The following GGACT variants were observed in gnomAD, a reference collection of about 807,000 sequenced individuals.
The protein encoded by GGACT is gamma-glutamylamine cyclotransferase, also known as gamma-glutamylaminecyclotransferase.
For missense variants in GGACT, 241 were observed against 233.2 expected (o/e 1.03, Z -0.22); for synonymous variants, 118 against 115.3 (o/e 1.02, Z -0.15).
At chr13:100,532,969 C>G (rs2088437394) in intron 2 of GGACT, among the ~76,000 whole-genome samples, 1 of 152,206 alleles carries the variant, frequency 6.6e-6, no homozygotes, top group African/African-American at 2.4e-5. Context: ...AGACAGGACA[C>G]CTGCGTTCTG....
chr13:100,541,364 T>C (rs2088553014), intron 2 of GGACT, among the ~76,000 whole-genome samples: 1 of 152,198 alleles, frequency 6.6e-6, no homozygotes, highest in African/African-American at 2.4e-5. Context: ...TGTGGGACTT[T>C]GGGCAAGTGA....
intron 2 of GGACT, among the ~76,000 whole-genome samples, chr13:100,556,089 C>T (rs1097594): frequency 0.012 from 1,767 of 152,292 alleles, 32 homozygotes; most frequent in African/African-American, 0.04. Context: ...AAGGCAAGGA[C>T]GTCCACTCTT....
chr13:100,546,238 T>G (rs1045883647), intron 2 of GGACT, among the ~76,000 whole-genome samples: 1 of 151,588 alleles, frequency 6.6e-6, no homozygotes, highest in African/African-American at 2.4e-5. Context: ...GGCGGGCGCC[T>G]ATAGTCCCAG....
intron 2 of GGACT, among the ~76,000 whole-genome samples, chr13:100,547,733 C>G (rs913901681): frequency 6.6e-6 from 1 of 152,198 alleles, no homozygotes; most frequent in Non-Finnish European, 1.5e-5. Flanking sequence ...AGGACAAGAA[C>G]GAGACATCTC....
chr13:100,577,419 A>AAATAAATAAATG (rs1875280504), intron 2 of GGACT, among the ~76,000 whole-genome samples: 1 of 4,356 alleles, frequency 2.3e-4, no homozygotes, highest in East Asian at 3.1e-3. Context: ...TCCATCTCAA[A>AAATAAATAAATG]AATAAATAAA....
rs182871407 is a variant in GGACT, at chr13:100,587,250, G to C, written c.-184+1491C>G. On this transcript the variant is annotated intron_variant, in intron 1 of 2. Coordinates refer to ENST00000683975, the MANE Select transcript of GGACT (RefSeq NM_001195087.2). ...AAATCTTACTAGTAAAGAGAGAAAT[G>C]AACAGATCATTTTAAAATCCCTCTT... The C allele has an allele frequency of 2.3e-4, 35 of 152,264 alleles. No individual in the cohort carries two copies. In the East Asian group the frequency reaches 6.6e-3, roughly 29 times the overall value. The allele number at this position is 152,264 out of a possible 1,614,324, so 9.4% of individuals were successfully genotyped here.
chr13:100,557,932 C>T (rs2088723273), intron 2 of GGACT, among the ~76,000 whole-genome samples: 1 of 152,054 alleles, frequency 6.6e-6, no homozygotes, highest in Non-Finnish European at 1.5e-5. Context: ...ACCTGTAATC[C>T]CAGCACTTTG....
chr13:100,552,885 C>A (rs574427464), intron 2 of GGACT, among the ~76,000 whole-genome samples: 1 of 152,082 alleles, frequency 6.6e-6, no homozygotes. Flanking sequence ...CAATGAGTCC[C>A]GCATCAGGAC....
chr13:100,569,742 C>T (rs751614160), intron 2 of GGACT, among the ~76,000 whole-genome samples: 4 of 152,202 alleles, frequency 2.6e-5, no homozygotes, highest in African/African-American at 7.2e-5. Context: ...CATTGTCAGG[C>T]TGCACATTTT....
chr13:100,548,293 T>C (rs2088626920), intron 2 of GGACT, among the ~76,000 whole-genome samples: 1 of 152,256 alleles, frequency 6.6e-6, no homozygotes, highest in Non-Finnish European at 1.5e-5. Flanking sequence ...TATATATTAG[T>C]GTTTTGTTTT....
At chr13:100,572,698 C>CTGGGAT (rs1875123041) in intron 2 of GGACT, among the ~76,000 whole-genome samples, 1 of 152,172 alleles carries the variant, frequency 6.6e-6, no homozygotes, top group Non-Finnish European at 1.5e-5. Flanking sequence ...TCCAGAGTAG[C>CTGGGAT]TGGGACTACA....
intron 2 of GGACT, among the ~76,000 whole-genome samples, chr13:100,550,445 C>T (rs2153014069): frequency 6.6e-6 from 1 of 151,446 alleles, no homozygotes; most frequent in South Asian, 2.1e-4. Flanking sequence ...CACACACACA[C>T]ACACACACAC....
rs11842289 is a variant in GGACT, at chr13:100,560,971, G to T, written c.-11+22854C>A. ...CATCTCCTCCAGGGCCTGGGATAGT[G>T]GGCTGGTGGGCTGTCATTTCATCAC... On this transcript the variant is annotated intron_variant, in intron 2 of 2. Transcript: ENST00000683975. 5.2e-3 allele frequency among the ~76,000 whole-genome samples: 785 copies of T among 152,274 alleles called. 6 individuals carry two copies. The highest frequency in any genetic ancestry group is 0.018 in the African/African-American group (744 of 41,548).
At chr13:100,575,248 A>T (rs2153016638) in intron 2 of GGACT, among the ~76,000 whole-genome samples, 1 of 152,238 alleles carries the variant, frequency 6.6e-6, no homozygotes, top group Non-Finnish European at 1.5e-5. Flanking sequence ...TTACAGAAGG[A>T]CCTCCATTAG....
At chr13:100,552,844 C>T (rs1263795718) in intron 2 of GGACT, among the ~76,000 whole-genome samples, 1 of 152,152 alleles carries the variant, frequency 6.6e-6, no homozygotes, top group African/African-American at 2.4e-5. Flanking sequence ...ATGCTGAGTG[C>T]TGCTGATGAG....
At chr13:100,555,861 A>G (rs758611910) in intron 2 of GGACT, among the ~76,000 whole-genome samples, 15 of 152,246 alleles carry the variant, frequency 9.9e-5, no homozygotes, top group Non-Finnish European at 1.8e-4. Context: ...GCCATGCCAT[A>G]GAAACAGATT....
intron 1 of GGACT, among the ~76,000 whole-genome samples, chr13:100,584,838 A>C (rs1227577355): frequency 4.9e-4 from 75 of 152,304 alleles, no homozygotes; most frequent in Non-Finnish European, 1.2e-4. Context: ...ACTCTCCTAC[A>C]AATAAGAAAA....
intron 2 of GGACT, among the ~76,000 whole-genome samples, chr13:100,568,755 T>C (rs9518093): frequency 0.43 from 65,766 of 152,104 alleles, 14,826 homozygotes; most frequent in Non-Finnish European, 0.47. Context: ...TCTCATCTGA[T>C]ACAAAGCAAG....
chr13:100,575,873 C>T (rs541927997), intron 2 of GGACT, among the ~76,000 whole-genome samples: 26 of 152,260 alleles, frequency 1.7e-4, no homozygotes, highest in South Asian at 6.2e-4. Flanking sequence ...ATTCATCGAC[C>T]GATCCAATCT....
Sources: gnomAD v4.1 joint callset for allele counts (sites outside exome capture counted in the v4.1 genomes callset) on GRCh38, gnomAD v4.1.1 for gene constraint, MANE v1.5 for transcripts, NCBI Gene and HGNC (gene_info 2026-07-23, HGNC 2026-07-21) for gene names.